Variants in RIMS1 observed in about 807,000 individuals in gnomAD.
RIMS1 encodes regulating synaptic membrane exocytosis protein 1.
Under a neutral mutation model 214.1 loss-of-function variants are expected in RIMS1, and 83 were observed. The ratio of observed to expected loss-of-function variants is 0.39; its 90% CI spans 0.32 to 0.47. RIMS1 has a LOEUF of 0.47. Ranked by LOEUF, RIMS1 falls within the 20% of genes least tolerant of loss-of-function variation. The pLI, the probability that RIMS1 is intolerant of heterozygous loss-of-function variation, is 0.99. For synonymous variants in RIMS1, 793 were observed against 786.8 expected (o/e 1.01, Z -0.13); for missense variants, 2,050 against 2,161.8 (o/e 0.95, Z 1.03).
At chr6:72,001,346 A>G (rs1562073170) in intron 2 of RIMS1, among the ~76,000 whole-genome samples, 1 of 152,148 alleles carries the variant, frequency 6.6e-6, no homozygotes, top group African/African-American at 2.4e-5. Flanking sequence ...ATATGAAAAA[A>G]CGTTACTCAG....
At chr6:72,222,767 T>C (rs1257255807) in intron 6 of RIMS1, among the ~76,000 whole-genome samples, 3 of 152,218 alleles carry the variant, frequency 2.0e-5, no homozygotes, top group African/African-American at 4.8e-5. Context: ...TCCTTGTTTT[T>C]ATAAAAATTT....
chr6:71,953,208 T>C (rs1790180435), intron 1 of RIMS1, among the ~76,000 whole-genome samples: 1 of 152,034 alleles, frequency 6.6e-6, no homozygotes, highest in Non-Finnish European at 1.5e-5. Flanking sequence ...AGGCTGGTCT[T>C]GAACTCCTGA....
chr6:72,187,244 T>C (rs2049271880), intron 6 of RIMS1, among the ~76,000 whole-genome samples: 1 of 152,168 alleles, frequency 6.6e-6, no homozygotes, highest in South Asian at 2.1e-4. Flanking sequence ...CTTAAAATAG[T>C]GTCTTTGGAA....
At chr6:71,986,251 A>G (rs1201059912) in intron 2 of RIMS1, among the ~76,000 whole-genome samples, 1 of 146,368 alleles carries the variant, frequency 6.8e-6, no homozygotes, top group African/African-American at 2.5e-5. Context: ...GTCTTTTCTC[A>G]TGGTGTCCAT....
At position 72,274,359 on chromosome 6, in the gene RIMS1, T is replaced by TC. The variant is rs777858711; in HGVS notation, c.3414dup (p.Ser1139LeufsTer4). On this transcript the variant is annotated frameshift_variant, in exon 23 of 34. Transcript: ENST00000521978. LOFTEE classifies it high-confidence loss of function. ...TCACTGGGCAAACAGGGGTAGATGG[T>TC]CCCCCTCCCTAGATAGGAGACGACC... 6.2e-7 allele frequency: 1 copy of TC among 1,610,860 alleles called. No homozygotes were observed. Among genetic ancestry groups the TC allele is most frequent in the Non-Finnish European group, 8.5e-7 (1 of 1,177,740 alleles).
intron 23 of RIMS1, among the ~76,000 whole-genome samples, chr6:72,281,799 C>T (rs1411375869): frequency 2.6e-5 from 4 of 152,038 alleles, no homozygotes; most frequent in Admixed American, 6.6e-5. Flanking sequence ...GCAATATGCT[C>T]CTGCCCCTAA....
chr6:72,326,354 C>T (rs374486150), intron 28 of RIMS1, among the ~76,000 whole-genome samples: 5 of 151,874 alleles, frequency 3.3e-5, no homozygotes, highest in East Asian at 3.9e-4. Flanking sequence ...AGCCTCCTTA[C>T]ATTGTAATAA....
At chr6:72,260,858 C>T (rs2077663731) in intron 19 of RIMS1, 91 bp downstream of exon 19, 1 of 1,550,812 alleles carries the variant, frequency 6.4e-7, no homozygotes, top group Non-Finnish European at 8.7e-7. Context: ...GGTATTATTA[C>T]AAGCAAGTCA....
intron 7 of RIMS1, among the ~76,000 whole-genome samples, 195 bp downstream of exon 7, chr6:72,234,035 A>C (rs753903912): frequency 7.9e-5 from 12 of 152,038 alleles, no homozygotes; most frequent in Non-Finnish European, 1.0e-4. Context: ...AGTAAAAAAC[A>C]ATTATTAAAT....
intron 5 of RIMS1, among the ~76,000 whole-genome samples, chr6:72,180,647 C>G: frequency 6.6e-6 from 1 of 152,206 alleles, no homozygotes. Context: ...AAACATGAAG[C>G]TATGCACTGG....
At chr6:72,338,223 C>T (rs1210924982) in intron 29 of RIMS1, among the ~76,000 whole-genome samples, 1 of 151,742 alleles carries the variant, frequency 6.6e-6, no homozygotes, top group East Asian at 1.9e-4. Flanking sequence ...TAAAAGTGTT[C>T]CTATTTCTCC....
chr6:72,229,167 C>T (rs983080257), intron 6 of RIMS1, among the ~76,000 whole-genome samples: 1 of 151,744 alleles, frequency 6.6e-6, no homozygotes, highest in African/African-American at 2.4e-5. Context: ...GGGCCTTGAG[C>T]TCAAGGGACA....
At chr6:72,345,510 A>G (rs912404988) in intron 29 of RIMS1, among the ~76,000 whole-genome samples, 4 of 151,824 alleles carry the variant, frequency 2.6e-5, no homozygotes, top group African/African-American at 9.7e-5. Flanking sequence ...TGTCTGAGGT[A>G]TCACAACTCT....
At chr6:72,250,294 A>G in intron 12 of RIMS1, 36 bp from the exon 13 acceptor site, 10 of 1,577,750 alleles carry the variant, frequency 6.3e-6, no homozygotes, top group Non-Finnish European at 8.6e-6. Flanking sequence ...ATGCCTCATG[A>G]TTTTTACAAA....
chr6:72,287,623 T>G (rs1191375762), intron 24 of RIMS1, among the ~76,000 whole-genome samples: 1 of 148,236 alleles, frequency 6.7e-6, no homozygotes, highest in African/African-American at 2.5e-5. Context: ...GGAGATGGAG[T>G]CTTGCTCTGT....
At chr6:72,224,053 G>A (rs2154056063) in intron 6 of RIMS1, among the ~76,000 whole-genome samples, 1 of 151,730 alleles carries the variant, frequency 6.6e-6, no homozygotes, top group Non-Finnish European at 1.5e-5. Flanking sequence ...GAGATTATCA[G>A]CAGGAGCAGA....
At chr6:71,992,422 CTTTCT>C (rs1417925076) in intron 2 of RIMS1, among the ~76,000 whole-genome samples, 2 of 74,222 alleles carry the variant, frequency 2.7e-5, no homozygotes, top group Admixed American at 1.5e-4. Flanking sequence ...TTCTTTCTTT[CTTTCT>C]TTCTTTCTTT....
intron 2 of RIMS1, among the ~76,000 whole-genome samples, chr6:71,979,484 C>T (rs980796762): frequency 6.6e-6 from 1 of 152,014 alleles, no homozygotes; most frequent in Non-Finnish European, 1.5e-5. Context: ...ATTGTGTATT[C>T]CATAAAGTAG....
chr6:71,943,935 C>A (rs1014492871), intron 1 of RIMS1, among the ~76,000 whole-genome samples: 4 of 152,126 alleles, frequency 2.6e-5, no homozygotes, highest in African/African-American at 9.7e-5. Flanking sequence ...TATTATTCAA[C>A]AGATACAAAT....
Sources: allele counts gnomAD v4.1 joint callset (sites outside exome capture counted in the v4.1 genomes callset), GRCh38; gene constraint gnomAD v4.1.1; transcripts MANE v1.5; gene names NCBI Gene and HGNC (gene_info 2026-07-23, HGNC 2026-07-21).